FAM185A: variants seen among roughly 807,000 people sequenced by gnomAD.
FAM185A encodes the protein family with sequence similarity 185 member A.
In FAM185A, 21 loss-of-function variants were observed where a neutral mutation model predicts 45.7. The ratio of observed to expected loss-of-function variants is 0.46; its 90% CI spans 0.33 to 0.66. The LOEUF (loss-of-function observed/expected upper bound fraction) is 0.66. FAM185A is among the 30% of genes least tolerant of loss of function. The pLI, the probability that FAM185A is intolerant of heterozygous loss-of-function variation, is 0.03. For synonymous variants in FAM185A, 117 were observed against 194.0 expected (o/e 0.60, Z 3.30); for missense variants, 305 against 485.4 (o/e 0.63, Z 3.49).
At chr7:102,827,035 A>C in the FAM185A span, 1 of 402,522 alleles carries the variant, frequency 2.5e-6, no homozygotes, top group Non-Finnish European at 5.4e-6. Flanking sequence ...CAAGAAGTAG[A>C]GTCTGTTTCC....
intron 4 of FAM185A, among the ~76,000 whole-genome samples, chr7:102,762,232 G>A (rs952325547): frequency 2.0e-5 from 3 of 152,034 alleles, no homozygotes; most frequent in African/African-American, 7.3e-5. Context: ...ATCCTCTTGT[G>A]GTTTCTAAAT....
At chr7:102,801,969 C>T (rs1796828123) in intron 7 of FAM185A, among the ~76,000 whole-genome samples, 1 of 151,692 alleles carries the variant, frequency 6.6e-6, no homozygotes, top group African/African-American at 2.4e-5. Context: ...TGCTAAAAGA[C>T]CTTGTCCAAC....
Position 102,808,497 on chromosome 7 carries a change from C to T in FAM185A, c.*95C>T, listed in dbSNP as rs1797263135. On this transcript the variant is annotated 3_prime_UTR_variant, in exon 8 of 8. Transcript: ENST00000413034. ...CCACCATTCATATAAAGGTTGAAAACAACAAATTGAGAATGAATACTGGTG... is the reference window on the plus strand; with the variant it reads ...CCACCATTCATATAAAGGTTGAAAATAACAAATTGAGAATGAATACTGGTG... 9.8e-6 allele frequency: 8 copies of T among 812,580 alleles called. No individual in the cohort carries two copies. Among genetic ancestry groups the T allele is most frequent in the South Asian group, 3.2e-5 (2 of 63,270 alleles). The allele number at this position is 812,580 out of a possible 1,614,324, so 50.3% of individuals were successfully genotyped here.
At chr7:102,786,591 C>T (rs1159986076) in intron 6 of FAM185A, among the ~76,000 whole-genome samples, 1 of 152,164 alleles carries the variant, frequency 6.6e-6, no homozygotes, top group Non-Finnish European at 1.5e-5. Context: ...AAAAACCAAA[C>T]ACCACATGTT....
At chr7:102,827,981 C>T in the FAM185A span, among the ~76,000 whole-genome samples, 16 of 152,128 alleles carry the variant, frequency 1.1e-4, 1 homozygote, top group South Asian at 8.3e-4. Flanking sequence ...TTTTGGTTAC[C>T]GTAGCCTTGT....
intron 4 of FAM185A, among the ~76,000 whole-genome samples, chr7:102,767,592 A>G (rs1462120690): frequency 4.8e-4 from 70 of 145,366 alleles, no homozygotes; most frequent in Non-Finnish European, 3.5e-4. Context: ...TCCTTGTCCT[A>G]TTGTTCTTTC....
At chr7:102,787,505 G>C in intron 7 of FAM185A, 36 bp downstream of exon 7, 1 of 1,393,254 alleles carries the variant, frequency 7.2e-7, no homozygotes, top group Non-Finnish European at 9.4e-7. Flanking sequence ...CAGATGAATA[G>C]CCATTCTCCA....
At chr7:102,832,864 A>AGATGTG in the FAM185A span, 1 of 1,614,168 alleles carries the variant, frequency 6.2e-7, no homozygotes, top group Non-Finnish European at 8.5e-7. Flanking sequence ...CAATGCTGAG[A>AGATGTG]GATGTGAGGT....
the FAM185A span, among the ~76,000 whole-genome samples, chr7:102,845,953 C>T: frequency 2.6e-5 from 4 of 152,198 alleles, no homozygotes; most frequent in Admixed American, 2.6e-4. Context: ...ACATTTTATA[C>T]ACTAGCTCAT....
chr7:102,782,924 C>T (rs1795500871), intron 6 of FAM185A, among the ~76,000 whole-genome samples: 1 of 150,714 alleles, frequency 6.6e-6, no homozygotes, highest in Non-Finnish European at 1.5e-5. Context: ...TGCAGAGACA[C>T]ACATAGGCTC....
chr7:102,780,882 G>A (rs978179247), intron 6 of FAM185A, among the ~76,000 whole-genome samples: 3 of 152,182 alleles, frequency 2.0e-5, no homozygotes, highest in Non-Finnish European at 2.9e-5. Flanking sequence ...CCCGGGAAGC[G>A]CAAGGGGTCA....
chr7:102,849,367 G>A, the FAM185A span, among the ~76,000 whole-genome samples: 1 of 152,184 alleles, frequency 6.6e-6, no homozygotes. Flanking sequence ...CTGACTCTGC[G>A]TGTGCTGTGG....
the FAM185A span, among the ~76,000 whole-genome samples, chr7:102,832,463 T>G: frequency 6.6e-6 from 1 of 152,238 alleles, no homozygotes. Context: ...ATTTAATAAC[T>G]TGTAAAACAC....
chr7:102,843,690 C>T, the FAM185A span, among the ~76,000 whole-genome samples: 8 of 152,274 alleles, frequency 5.3e-5, no homozygotes, highest in Admixed American at 3.3e-4. Context: ...ACAGGAGAAT[C>T]GCTTGAACCC....
At chr7:102,850,424 C>G in the FAM185A span, among the ~76,000 whole-genome samples, 1 of 152,132 alleles carries the variant, frequency 6.6e-6, no homozygotes, top group Non-Finnish European at 1.5e-5. Context: ...TAAATGATTT[C>G]TAGTTATTGT....
intron 7 of FAM185A, 85 bp downstream of exon 7, chr7:102,787,554 A>G: frequency 7.7e-7 from 1 of 1,303,650 alleles, no homozygotes. Context: ...CGGAAGTTTT[A>G]GCTTTTTTAT....
At chr7:102,832,873 G>A in the FAM185A span, 2 of 1,614,194 alleles carry the variant, frequency 1.2e-6, no homozygotes, top group Middle Eastern at 1.6e-4. Flanking sequence ...GAGATGTGAG[G>A]TTAATGCAGT....
At chr7:102,820,819 C>T in the FAM185A span, among the ~76,000 whole-genome samples, 17 of 152,202 alleles carry the variant, frequency 1.1e-4, no homozygotes, top group Non-Finnish European at 1.8e-4. Flanking sequence ...AGGGCAAAGC[C>T]CTCATCACCT....
At position 102,801,090 on chromosome 7, in the gene FAM185A, G is replaced by A. The variant is rs536632546; in HGVS notation, c.1067-7200G>A. Among the ~76,000 whole-genome samples, 32 of 152,254 alleles carry A rather than the reference G, an allele frequency of 2.1e-4. No homozygotes were observed. In the South Asian group the frequency reaches 6.0e-3, roughly 29 times the overall value. The stretch of plus-strand genomic sequence containing the variant: ...GGGCCCATCTTCAGCCTTCTCAAAC[G>A]AAACAATTATCAGCCAAGAATTTTG... On this transcript the variant is annotated intron_variant, in intron 7 of 7. Coordinates refer to ENST00000413034, the MANE Select transcript of FAM185A (RefSeq NM_001145268.2).
Sources: gnomAD v4.1 joint callset for allele counts (sites outside exome capture counted in the v4.1 genomes callset) on GRCh38, gnomAD v4.1.1 for gene constraint, MANE v1.5 for transcripts, NCBI Gene and HGNC (gene_info 2026-07-23, HGNC 2026-07-21) for gene names.